SPC25: variants seen among roughly 807,000 people sequenced by gnomAD.
SPC25 encodes kinetochore protein Spc25.
A neutral mutation model predicts 29.6 loss-of-function variants in SPC25; 22 were observed. That is an observed-to-expected ratio of 0.74 (90% CI 0.53 to 1.06). The LOEUF (loss-of-function observed/expected upper bound fraction) is 1.06. Ranked by LOEUF, SPC25 falls within the 50% of genes least tolerant of loss-of-function variation. SPC25 has a pLI of 0.00. For missense variants in SPC25, 230 were observed against 255.8 expected (o/e 0.90, Z 0.69); for synonymous variants, 91 against 90.4 (o/e 1.01, Z -0.04).
chr2:168,863,906 G>T (rs1268680750), intron 4 of SPC25, among the ~76,000 whole-genome samples: 1 of 151,746 alleles, frequency 6.6e-6, no homozygotes, highest in Non-Finnish European at 1.5e-5. Context: ...GATCCAACGT[G>T]ATCTTTTTTT....
chr2:168,867,370 A>G (rs563955663), downstream of SPC25, among the ~76,000 whole-genome samples: 1 of 152,316 alleles, frequency 6.6e-6, no homozygotes, highest in African/African-American at 2.4e-5. Context: ...GACAGGACCA[A>G]ATTCACACAT....
intron 4 of SPC25, among the ~76,000 whole-genome samples, chr2:168,863,858 T>G (rs187388180): frequency 1.3e-5 from 2 of 151,792 alleles, no homozygotes; most frequent in Non-Finnish European, 2.9e-5. Context: ...ATCAGCTACA[T>G]AGAAATAGAA....
At chr2:168,883,700 T>C (rs530997943) in intron 3 of SPC25, among the ~76,000 whole-genome samples, 2 of 152,102 alleles carry the variant, frequency 1.3e-5, no homozygotes, top group Admixed American at 1.3e-4. Context: ...GTTTTTATTA[T>C]AACATTTGAA....
chr2:168,890,288 G>A (rs934768292), intron 1 of SPC25, 30 bp downstream of exon 1: 2 of 966,452 alleles, frequency 2.1e-6, no homozygotes, highest in Middle Eastern at 5.3e-4. Flanking sequence ...GGGGGGCCAA[G>A]GAGCCCAGCT....
intron 4 of SPC25, chr2:168,865,092 C>T: frequency 8.1e-6 from 8 of 986,102 alleles, no homozygotes; most frequent in East Asian, 5.0e-5. Context: ...GTTCTACCTG[C>T]ATGTCACAGC....
downstream of SPC25, among the ~76,000 whole-genome samples, chr2:168,869,620 G>C (rs1386760671): frequency 3.3e-5 from 5 of 152,062 alleles, no homozygotes; most frequent in Non-Finnish European, 4.4e-5. Context: ...GCTTCAAAGA[G>C]AATAAAATAC....
At position 168,862,964 on chromosome 2, in the gene SPC25, T is replaced by C. The variant is rs552852714; in HGVS notation, n.419+10621A>G. On this transcript the variant is annotated intron_variant and non_coding_transcript_variant, in intron 4 of 4. Coordinates refer to the SPC25 transcript ENST00000479309. ...CACACATTTGCTATTTATTGGGTGT[T>C]TCCTTTGCAGCATTTGCCAGTCATA... 5.0e-4 allele frequency among the ~76,000 whole-genome samples: 76 copies of C among 152,316 alleles called. No homozygotes were observed. The South Asian group carries it at 0.011, about 23-fold the overall frequency.
At chr2:168,889,098 T>G in intron 3 of SPC25, 128 bp downstream of exon 3, 1 of 479,022 alleles carries the variant, frequency 2.1e-6, no homozygotes, top group Non-Finnish European at 3.7e-6. Context: ...TATACACATA[T>G]ATATATACAC....
intron 3 of SPC25, among the ~76,000 whole-genome samples, chr2:168,888,392 A>G (rs111811373): frequency 0.024 from 3,592 of 152,194 alleles, 120 homozygotes; most frequent in East Asian, 0.1. Context: ...TGTCTGTACT[A>G]AAAATACAAA....
chr2:168,869,105 C>T (rs1450970255), downstream of SPC25, among the ~76,000 whole-genome samples: 2 of 152,124 alleles, frequency 1.3e-5, no homozygotes. Context: ...AAGACAAAAA[C>T]CACATAATTA....
Position 168,889,277 on chromosome 2 carries a change from TCA to T in SPC25, c.146_147del (p.Val49GlufsTer10), listed in dbSNP as rs745746907. ...SIKAFAEKLS[V>X]KLKEEERMVE... ...ACCATTCGTTCTTCTTCCTTTAATT[TCA>T]CAGACAGCTTTTCTGAAAGAGAAAT... On this transcript the variant is annotated frameshift_variant, in exon 3 of 7. Transcript: ENST00000282074. LOFTEE classifies it high-confidence loss of function. The T allele has an allele frequency of 6.2e-7, 1 of 1,613,860 alleles. No homozygotes were observed. Among genetic ancestry groups the T allele is most frequent in the Non-Finnish European group, 8.5e-7 (1 of 1,179,962 alleles).
At chr2:168,870,519 C>T (rs1358183489), downstream of SPC25, among the ~76,000 whole-genome samples, 2 of 151,762 alleles carry the variant, frequency 1.3e-5, no homozygotes, top group African/African-American at 4.9e-5. Context: ...AAGAAAAAAA[C>T]AAACAACCCC....
intron 6 of SPC25, among the ~76,000 whole-genome samples, chr2:168,872,063 C>T (rs75601606): frequency 0.028 from 4,203 of 151,980 alleles, 122 homozygotes; most frequent in African/African-American, 0.078. Context: ...TGCAAACTGC[C>T]TCCTGGCTTC....
intron 3 of SPC25, 49 bp from the exon 4 acceptor site, chr2:168,877,433 T>C: frequency 1.2e-6 from 2 of 1,602,764 alleles, no homozygotes; most frequent in Non-Finnish European, 1.7e-6. Context: ...CTCTCTGACA[T>C]GTATCTAAGA....
At chr2:168,869,292 G>A (rs977442922), downstream of SPC25, among the ~76,000 whole-genome samples, 9 of 152,034 alleles carry the variant, frequency 5.9e-5, no homozygotes, top group East Asian at 1.9e-4. Flanking sequence ...TTTGAAAACC[G>A]GCACAAGACA....
At chr2:168,888,777 T>A (rs1364657989) in intron 3 of SPC25, among the ~76,000 whole-genome samples, 1 of 148,632 alleles carries the variant, frequency 6.7e-6, no homozygotes, top group African/African-American at 2.5e-5. Flanking sequence ...ATATATATAT[T>A]TTAATTTTTA....
intron 1 of SPC25, 148 bp from the exon 2 acceptor site, chr2:168,889,681 G>A: frequency 1.3e-6 from 1 of 790,158 alleles, no homozygotes; most frequent in Admixed American, 2.8e-5. Flanking sequence ...GGTAGATCAA[G>A]CCACCTGGGC....
chr2:168,866,877 C>A (rs1323686934), downstream of SPC25, among the ~76,000 whole-genome samples: 1 of 152,156 alleles, frequency 6.6e-6, no homozygotes, highest in Non-Finnish European at 1.5e-5. Flanking sequence ...AAAAAATGCT[C>A]ATCATCACTG....
intron 3 of SPC25, among the ~76,000 whole-genome samples, chr2:168,880,635 G>T (rs1350623067): frequency 6.6e-6 from 1 of 152,172 alleles, no homozygotes; most frequent in Non-Finnish European, 1.5e-5. Context: ...GCCTATCTCA[G>T]CTTTTGACAC....
Sources: allele counts gnomAD v4.1 joint callset (sites outside exome capture counted in the v4.1 genomes callset), GRCh38; gene constraint gnomAD v4.1.1; transcripts MANE v1.5; gene names NCBI Gene and HGNC (gene_info 2026-07-23, HGNC 2026-07-21).